The following EVI5 variants were observed in gnomAD, a reference collection of about 807,000 sequenced individuals.
EVI5 encodes ecotropic viral integration site 5.
A neutral mutation model predicts 112.0 loss-of-function variants in EVI5; 73 were observed. That is an observed-to-expected ratio of 0.65 (90% CI 0.54 to 0.79). EVI5 has a LOEUF of 0.79. Ranked by LOEUF, EVI5 falls within the 30% of genes least tolerant of loss-of-function variation. The pLI is 0.00. For missense variants in EVI5, 900 were observed against 968.8 expected (o/e 0.93, Z 0.94); for synonymous variants, 305 against 319.9 (o/e 0.95, Z 0.50).
intron 18 of EVI5, among the ~76,000 whole-genome samples, chr1:92,583,588 T>G (rs1557837322): frequency 6.7e-6 from 1 of 149,730 alleles, no homozygotes; most frequent in African/African-American, 2.5e-5. Context: ...CAAAGAAATC[T>G]AAAATAGAAG....
At chr1:92,572,221 A>AG (rs1253531191) in intron 18 of EVI5, among the ~76,000 whole-genome samples, 5 of 152,168 alleles carry the variant, frequency 3.3e-5, no homozygotes, top group Non-Finnish European at 7.4e-5. Context: ...TTAAGTGTTT[A>AG]GGGGTAAAGT....
intron 18 of EVI5, among the ~76,000 whole-genome samples, chr1:92,573,334 A>G (rs973648411): frequency 3.9e-5 from 6 of 152,120 alleles, no homozygotes; most frequent in Non-Finnish European, 5.9e-5. Context: ...TACTGGTTTG[A>G]ATAACCTTTG....
intron 9 of EVI5, among the ~76,000 whole-genome samples, chr1:92,683,590 T>G (rs955893080): frequency 6.6e-6 from 1 of 152,150 alleles, no homozygotes; most frequent in African/African-American, 2.4e-5. Flanking sequence ...CTTCAGAAGG[T>G]AGGTAATAAC....
chr1:92,765,202 T>C (rs1000153868), intron 1 of EVI5, among the ~76,000 whole-genome samples: 5 of 145,064 alleles, frequency 3.4e-5, no homozygotes, highest in African/African-American at 1.2e-4. Flanking sequence ...GGTTTCTGCA[T>C]TTTTTTTCCT....
At chr1:92,686,682 A>G (rs1001866481) in intron 9 of EVI5, among the ~76,000 whole-genome samples, 3 of 152,226 alleles carry the variant, frequency 2.0e-5, no homozygotes, top group East Asian at 3.8e-4. Context: ...AAGCTGATAA[A>G]CAACTTCAGC....
chr1:92,784,645 C>T (rs1685371064), intron 1 of EVI5, among the ~76,000 whole-genome samples, 191 bp downstream of exon 1: 3 of 151,992 alleles, frequency 2.0e-5, no homozygotes, highest in African/African-American at 7.2e-5. Context: ...GCGGCGGCGG[C>T]GGCGACAGGC....
intron 2 of EVI5, chr1:92,714,025 T>C (rs995781403): frequency 2.0e-6 from 2 of 984,756 alleles, no homozygotes; most frequent in African/African-American, 3.5e-5. Flanking sequence ...GCCAAAGCCT[T>C]TGTGATTTTA....
At chr1:92,643,597 A>C (rs1409796357) in intron 13 of EVI5, among the ~76,000 whole-genome samples, 1 of 152,156 alleles carries the variant, frequency 6.6e-6, no homozygotes, top group Non-Finnish European at 1.5e-5. Context: ...GAAAACTAAC[A>C]ATATTAGGTT....
chr1:92,532,435 C>G (rs1332190335), intron 19 of EVI5, among the ~76,000 whole-genome samples: 6 of 152,106 alleles, frequency 3.9e-5, no homozygotes, highest in Non-Finnish European at 5.9e-5. Flanking sequence ...CCAAGCAGAC[C>G]TAGTAGACAT....
chr1:92,661,047 G>C lies in EVI5; in HGVS notation c.1392+1672C>G, dbSNP rs141225438. ...CACACACACACACAAAACTGTCTTT[G>C]AGTATACAAGATCACATAGTTGGCA... On this transcript the variant is annotated intron_variant, in intron 13 of 19. Coordinates refer to ENST00000684568, the MANE Select transcript of EVI5 (RefSeq NM_001350197.2). Among the ~76,000 whole-genome samples the C allele has an allele frequency of 9.3e-4, 141 of 151,988 alleles. 1 individual carries two copies. The highest frequency in any genetic ancestry group is 3.3e-3 in the African/African-American group (136 of 41,506).
rs544853818 is a variant in EVI5, at chr1:92,735,391, T to A, written c.149+1007A>T. Reference sequence around the variant, plus strand: ...GACAGCGACGGGGATAATGGAGATGTTCATTTTCTTGATTTTGGCGACAAT... The same window carrying A: ...GACAGCGACGGGGATAATGGAGATGATCATTTTCTTGATTTTGGCGACAAT... On this transcript the variant is annotated intron_variant, in intron 2 of 19. Transcript: ENST00000684568. 1.1e-4 allele frequency among the ~76,000 whole-genome samples: 16 copies of A among 152,096 alleles called. No individual in the cohort carries two copies. The East Asian group carries it at 3.1e-3, about 29-fold the overall frequency.
At chr1:92,704,517 GGAATAA>G (rs777924584) in intron 3 of EVI5, 32 bp downstream of exon 3, 2 of 1,324,456 alleles carry the variant, frequency 1.5e-6, no homozygotes, top group African/African-American at 2.9e-5. Flanking sequence ...GACGCACTAT[GGAATAA>G]GAATAAGAAC....
intron 18 of EVI5, among the ~76,000 whole-genome samples, chr1:92,575,773 G>C (rs966735424): frequency 6.6e-6 from 1 of 151,518 alleles, no homozygotes; most frequent in Non-Finnish European, 1.5e-5. Context: ...CATGTTGGCC[G>C]GGCTGGTCTC....
intron 16 of EVI5, among the ~76,000 whole-genome samples, chr1:92,615,063 G>A (rs1318074471): frequency 6.6e-6 from 1 of 151,834 alleles, no homozygotes; most frequent in African/African-American, 2.4e-5. Flanking sequence ...AAAATGCTAA[G>A]GACTCTACTT....
rs1342881616 is a variant in EVI5, at chr1:92,687,516, C to T, written c.1097+6286G>A. 3.9e-5 allele frequency among the ~76,000 whole-genome samples: 6 copies of T among 152,246 alleles called. No homozygotes were observed. In the East Asian group the frequency reaches 1.2e-3, roughly 29 times the overall value. ...ATGACTAAAACACCAAAAGCAATGGCAACAAAAGCCAAAATTGACAAATGG... is the reference window on the plus strand; with the variant it reads ...ATGACTAAAACACCAAAAGCAATGGTAACAAAAGCCAAAATTGACAAATGG... On this transcript the variant is annotated intron_variant, in intron 9 of 19. Coordinates refer to ENST00000684568, the MANE Select transcript of EVI5 (RefSeq NM_001350197.2).
chr1:92,768,045 A>C (rs4847336), intron 1 of EVI5, among the ~76,000 whole-genome samples: 1 of 149,142 alleles, frequency 6.7e-6, no homozygotes, highest in Non-Finnish European at 1.5e-5. Context: ...ACACCACTGC[A>C]CTCCAACCTG....
At chr1:92,731,227 G>A (rs1676413349) in intron 2 of EVI5, among the ~76,000 whole-genome samples, 1 of 152,094 alleles carries the variant, frequency 6.6e-6, no homozygotes, top group South Asian at 2.1e-4. Context: ...GGAGGCTGAG[G>A]GAGAAGAATT....
At chr1:92,602,549 G>A (rs967859249) in intron 18 of EVI5, among the ~76,000 whole-genome samples, 21 of 152,052 alleles carry the variant, frequency 1.4e-4, no homozygotes, top group African/African-American at 4.1e-4. Flanking sequence ...CTACAGGAGT[G>A]TACTATCATG....
At chr1:92,784,588 C>G (rs542799008) in intron 1 of EVI5, 1 of 330,464 alleles carries the variant, frequency 3.0e-6, no homozygotes, top group Admixed American at 6.4e-5. Flanking sequence ...ACAGTTAGAC[C>G]CGCCGACGAG....
Sources: allele counts gnomAD v4.1 joint callset (sites outside exome capture counted in the v4.1 genomes callset), GRCh38; gene constraint gnomAD v4.1.1; transcripts MANE v1.5; gene names NCBI Gene and HGNC (gene_info 2026-07-23, HGNC 2026-07-21).